DIPK1A: variants seen among roughly 807,000 people sequenced by gnomAD.
DIPK1A encodes divergent protein kinase domain 1A.
A neutral mutation model predicts 40.8 loss-of-function variants in DIPK1A; 27 were observed. The ratio of observed to expected loss-of-function variants is 0.66; its 90% CI spans 0.49 to 0.91. The LOEUF (loss-of-function observed/expected upper bound fraction) is 0.91, where lower values mean the gene tolerates loss of function less well. DIPK1A is among the 40% of genes least tolerant of loss of function. The pLI is 0.00. For synonymous variants in DIPK1A, 166 were observed against 171.3 expected (o/e 0.97, Z 0.24); for missense variants, 412 against 505.7 (o/e 0.81, Z 1.78).
downstream of DIPK1A, chr1:92,840,961 C>G: frequency 2.3e-6 from 1 of 443,620 alleles, no homozygotes; most frequent in Non-Finnish European, 4.3e-6. Flanking sequence ...AACATGTAAG[C>G]ATAAAGTGAT....
intron 1 of DIPK1A, among the ~76,000 whole-genome samples, chr1:92,926,752 G>A (rs12065253): frequency 0.32 from 48,515 of 151,982 alleles, 8,230 homozygotes; most frequent in Non-Finnish European, 0.37. Context: ...ATTATAAAAT[G>A]TCCCTGTTTA....
rs1235115434 is a variant in DIPK1A, at chr1:92,948,678, C to CGT, written c.54+12697_54+12698insAC. ...GTATATATACATATGTGTATATATA[C>CGT]ATGTATATGTATATATACACATATG... On this transcript the variant is annotated intron_variant, in intron 1 of 4. Transcript: ENST00000370310. Among the ~76,000 whole-genome samples the CGT allele has an allele frequency of 2.2e-4, 27 of 121,980 alleles. 1 individual carries two copies. Among genetic ancestry groups the CGT allele is most frequent in the Non-Finnish European group, 2.7e-4 (15 of 56,414 alleles). 80.0% of individuals were successfully genotyped at this position (121,980 alleles called of 152,430 possible).
chr1:92,946,046 A>G (rs890448094), intron 1 of DIPK1A, among the ~76,000 whole-genome samples: 3 of 152,192 alleles, frequency 2.0e-5, no homozygotes, highest in Non-Finnish European at 4.4e-5. Context: ...CAAACATCAC[A>G]TGTTCTTTTC....
Position 92,843,052 on chromosome 1 carries a change from T to C in DIPK1A, c.*331A>G. 14 of 1,014,972 alleles carry C rather than the reference T, an allele frequency of 1.4e-5. No individual in the cohort carries two copies. Among genetic ancestry groups the C allele is most frequent in the Non-Finnish European group, 1.5e-5 (13 of 849,716 alleles). 62.9% of individuals were successfully genotyped at this position (1,014,972 alleles called of 1,614,324 possible). ...ACACAATGCTTCCAGCATTGGTATT[T>C]TGGCTAAGGTAAATCTACAAATCAC... On this transcript the variant is annotated 3_prime_UTR_variant, in exon 5 of 5. Transcript: ENST00000370310.
intron 1 of DIPK1A, among the ~76,000 whole-genome samples, chr1:92,939,142 T>C (rs1312288725): frequency 1.3e-5 from 2 of 152,224 alleles, no homozygotes; most frequent in Non-Finnish European, 2.9e-5. Flanking sequence ...CCTCAGGTGA[T>C]CTGCCCACCT....
Position 92,843,694 on chromosome 1 carries a change from T to G in DIPK1A, c.976A>C (p.Ile326Leu), listed in dbSNP as rs1441684912. ...IVPETNLKEL[I>L]KDRHCESDLD... ...TCAGACTCACAGTGACGATCCTTAA[T>G]AAGTTCTTTCAGGTTTGTCTCTGGC... The change falls in exon 5 of 5, where the codon ATT (isoleucine) becomes CTT (leucine). Residue 326 changes from isoleucine to leucine, a missense_variant. Ile to Leu is a conservative substitution (Grantham distance 5, BLOSUM62 2). Coordinates refer to ENST00000370310, the MANE Select transcript of DIPK1A (RefSeq NM_001006605.5). 5 of 1,551,614 alleles carry G rather than the reference T, an allele frequency of 3.2e-6. No individual in the cohort carries two copies. The highest frequency in any genetic ancestry group is 1.7e-4 in the Middle Eastern group (1 of 5,990).
chr1:92,915,407 A>C (rs1650013777), intron 1 of DIPK1A, among the ~76,000 whole-genome samples: 1 of 152,232 alleles, frequency 6.6e-6, no homozygotes, highest in African/African-American at 2.4e-5. Context: ...TCTCTATAAA[A>C]TGTAATTAAA....
chr1:92,850,452 G>A (rs1435837461), intron 3 of DIPK1A, among the ~76,000 whole-genome samples: 6 of 152,280 alleles, frequency 3.9e-5, no homozygotes, highest in South Asian at 4.1e-4. Flanking sequence ...AGGCCAAGGC[G>A]GGTGGATTGC....
At chr1:92,870,075 T>TACAC (rs3221733) in intron 2 of DIPK1A, among the ~76,000 whole-genome samples, 61 of 66,452 alleles carry the variant, frequency 9.2e-4, no homozygotes, top group African/African-American at 1.4e-3. Flanking sequence ...GAATTATATA[T>TACAC]ACACACACAC....
At chr1:92,934,554 A>G (rs1650877435) in intron 1 of DIPK1A, among the ~76,000 whole-genome samples, 1 of 152,208 alleles carries the variant, frequency 6.6e-6, no homozygotes. Context: ...GGAAACACAC[A>G]TACTTGCATA....
rs1328925290 is a variant in DIPK1A at position 92,842,889 on chromosome 1, A to G, written c.*494T>C. 8 of 987,014 alleles carry G rather than the reference A, an allele frequency of 8.1e-6. No individual in the cohort carries two copies. The highest frequency in any genetic ancestry group is 9.6e-6 in the Non-Finnish European group (8 of 831,166). The allele number at this position is 987,014 out of a possible 1,614,324, so 61.1% of individuals were successfully genotyped here. ...AGTCTTTAATACAGTAAACCATGCTATTAACCCAACATCTGTTTTATAAAG... is the reference window on the plus strand; with the variant it reads ...AGTCTTTAATACAGTAAACCATGCTGTTAACCCAACATCTGTTTTATAAAG... On this transcript the variant is annotated 3_prime_UTR_variant, in exon 5 of 5. Coordinates refer to ENST00000370310, the MANE Select transcript of DIPK1A (RefSeq NM_001006605.5).
intron 1 of DIPK1A, among the ~76,000 whole-genome samples, chr1:92,954,809 T>G (rs1651780295): frequency 6.6e-6 from 1 of 152,050 alleles, no homozygotes; most frequent in South Asian, 2.1e-4. Context: ...AAAGAAAACT[T>G]TCATGGAGAA....
At chr1:92,899,447 G>C (rs147596563) in intron 1 of DIPK1A, among the ~76,000 whole-genome samples, 13 of 152,228 alleles carry the variant, frequency 8.5e-5, no homozygotes, top group African/African-American at 3.1e-4. Context: ...CTTTACAATT[G>C]AAGTGAGTTT....
rs1169018063 is a variant in DIPK1A, at chr1:92,842,607, C to CACTT, written c.*772_*775dup. ...TCTGCTATAATTTATTTTAGTCTTGCACTTACAGTCCCACTTTCACATAGT... is the reference window on the plus strand; with the variant it reads ...TCTGCTATAATTTATTTTAGTCTTGCACTTACTTACAGTCCCACTTTCACATAGT... On this transcript the variant is annotated 3_prime_UTR_variant, in exon 5 of 5. Transcript: ENST00000370310. The CACTT allele has an allele frequency of 1.1e-6, 1 of 927,270 alleles. No individual in the cohort carries two copies. The highest frequency in any genetic ancestry group is 1.2e-6 in the Non-Finnish European group (1 of 802,672). 57.4% of individuals were successfully genotyped at this position (927,270 alleles called of 1,614,324 possible). A position where few individuals can be genotyped will look rare whatever the true frequency, so the allele number is the denominator to read the frequency against.
chr1:92,902,714 G>A (rs1293656648), intron 1 of DIPK1A, among the ~76,000 whole-genome samples: 2 of 152,202 alleles, frequency 1.3e-5, no homozygotes, highest in Non-Finnish European at 2.9e-5. Context: ...GTTTCCAGCT[G>A]ATCCTGATTA....
intron 2 of DIPK1A, among the ~76,000 whole-genome samples, chr1:92,856,441 G>C (rs996067888): frequency 6.6e-6 from 1 of 151,882 alleles, no homozygotes; most frequent in Non-Finnish European, 1.5e-5. Flanking sequence ...TTTTTGAGAC[G>C]GAGTTTCCTC....
At chr1:92,910,067 A>C (rs192937220) in intron 1 of DIPK1A, among the ~76,000 whole-genome samples, 1 of 152,316 alleles carries the variant, frequency 6.6e-6, no homozygotes, top group Admixed American at 6.5e-5. Context: ...CTTTGTGTTC[A>C]AAGTTCTTGT....
chr1:92,920,071 T>C (rs956315659), intron 1 of DIPK1A, among the ~76,000 whole-genome samples: 3 of 152,196 alleles, frequency 2.0e-5, no homozygotes, highest in Non-Finnish European at 4.4e-5. Context: ...TGAGACATGA[T>C]ACTTTCCCTC....
chr1:92,843,981 CTT>C lies in DIPK1A; in HGVS notation c.687_688del (p.Ser230CysfsTer2). ...TCCATAAAGAGAGGTATATTCAACA[CTT>C]TCCATCACATAGAGGTCACCACAGA... On this transcript the variant is annotated frameshift_variant, in exon 5 of 5. Coordinates refer to ENST00000370310, the MANE Select transcript of DIPK1A (RefSeq NM_001006605.5). LOFTEE classifies it high-confidence loss of function. The C allele has an allele frequency of 6.4e-7, 1 of 1,552,062 alleles. No individual in the cohort carries two copies. The highest frequency in any genetic ancestry group is 1.4e-5 in the African/African-American group (1 of 73,158).
Sources: gnomAD v4.1 joint callset for allele counts (sites outside exome capture counted in the v4.1 genomes callset) on GRCh38, gnomAD v4.1.1 for gene constraint, MANE v1.5 for transcripts, NCBI Gene and HGNC (gene_info 2026-07-23, HGNC 2026-07-21) for gene names.